CDK19: variants seen among roughly 807,000 people sequenced by gnomAD.
CDK19 encodes cyclin-dependent kinase 19.
In CDK19, 20 loss-of-function variants were observed where a neutral mutation model predicts 68.3. The ratio of observed to expected loss-of-function variants is 0.29; its 90% CI spans 0.21 to 0.43. The LOEUF is 0.43. Ranked by LOEUF, CDK19 falls within the 20% of genes least tolerant of loss-of-function variation. The pLI, the probability that CDK19 is intolerant of heterozygous loss-of-function variation, is 1.00. For synonymous variants in CDK19, 221 were observed against 222.8 expected (o/e 0.99, Z 0.07); for missense variants, 339 against 623.5 (o/e 0.54, Z 4.86).
chr6:110,618,862 C>CAA (rs992321346), intron 12 of CDK19, among the ~76,000 whole-genome samples: 2 of 152,180 alleles, frequency 1.3e-5, no homozygotes, highest in Admixed American at 1.3e-4. Context: ...AACATGTTTT[C>CAA]ATACATTCTG....
rs766522036 is a variant in CDK19 at position 110,670,550 on chromosome 6, AAAAG to A, written c.205-13_205-10del. 1.1e-5 allele frequency: 17 copies of A among 1,533,522 alleles called. No homozygotes were observed. Among genetic ancestry groups the A allele is most frequent in the Admixed American group, 1.7e-5 (1 of 59,840 alleles). The allele number at this position is 1,533,522 out of a possible 1,614,324, so 95.0% of individuals were successfully genotyped here. A position where few individuals can be genotyped will look rare whatever the true frequency, so the allele number is the denominator to read the frequency against. On this transcript the variant is annotated splice_polypyrimidine_tract_variant and intron_variant, in intron 2 of 12. Transcript: ENST00000368911. ...TTCAATTCTCGCAAAAGCTGAATGC[AAAAG>A]AAAGAGAGGGGTCACTGTTGTGTTA...
At chr6:110,717,405 T>C (rs1257748942) in intron 2 of CDK19, among the ~76,000 whole-genome samples, 1 of 152,182 alleles carries the variant, frequency 6.6e-6, no homozygotes, top group Non-Finnish European at 1.5e-5. Flanking sequence ...ATATTTCAAC[T>C]GACAGGTAGT....
chr6:110,747,686 TAAAACA>T (rs998782788), intron 1 of CDK19, among the ~76,000 whole-genome samples: 3 of 152,208 alleles, frequency 2.0e-5, no homozygotes, highest in African/African-American at 7.2e-5. Context: ...GAATACCTAC[TAAAACA>T]ATCTTTAGTA....
chr6:110,661,829 C>T (rs1399345917), intron 4 of CDK19, among the ~76,000 whole-genome samples: 3 of 152,172 alleles, frequency 2.0e-5, no homozygotes, highest in Non-Finnish European at 4.4e-5. Context: ...CTGGATCTCA[C>T]AAAATTTTGA....
intron 4 of CDK19, among the ~76,000 whole-genome samples, chr6:110,653,873 T>C (rs950555437): frequency 6.6e-6 from 1 of 152,198 alleles, no homozygotes; most frequent in African/African-American, 2.4e-5. Flanking sequence ...TTTCAGTTAA[T>C]TGGCACATTA....
chr6:110,688,191 G>A (rs982514039), intron 2 of CDK19, among the ~76,000 whole-genome samples: 1 of 152,080 alleles, frequency 6.6e-6, no homozygotes, highest in African/African-American at 2.4e-5. Context: ...TCTGAGACCA[G>A]CCTGGCTAAC....
chr6:110,798,308 G>A (rs1243095878), intron 1 of CDK19, among the ~76,000 whole-genome samples: 2 of 152,018 alleles, frequency 1.3e-5, no homozygotes, highest in Non-Finnish European at 1.5e-5. Context: ...AGATTCTGGA[G>A]AGGAAAAATA....
At chr6:110,651,735 TTCTC>T (rs1301408359) in intron 4 of CDK19, among the ~76,000 whole-genome samples, 1 of 152,206 alleles carries the variant, frequency 6.6e-6, no homozygotes, top group East Asian at 1.9e-4. Flanking sequence ...CATTCCCTCT[TTCTC>T]TATTATTTGA....
intron 1 of CDK19, among the ~76,000 whole-genome samples, chr6:110,783,925 C>A (rs755190106): frequency 6.6e-6 from 1 of 151,740 alleles, no homozygotes; most frequent in Non-Finnish European, 1.5e-5. Context: ...TTTGGGAGGC[C>A]GAAGCAGGTG....
chr6:110,761,405 G>C (rs930386081), intron 1 of CDK19, among the ~76,000 whole-genome samples: 1 of 152,202 alleles, frequency 6.6e-6, no homozygotes, highest in Admixed American at 6.5e-5. Flanking sequence ...AGGTAATTAG[G>C]AAACAGTGTC....
At chr6:110,668,581 C>T (rs1430402193) in intron 3 of CDK19, among the ~76,000 whole-genome samples, 1 of 152,024 alleles carries the variant, frequency 6.6e-6, no homozygotes, top group African/African-American at 2.4e-5. Context: ...ACCTGTAATC[C>T]CAGCACTTTG....
intron 1 of CDK19, among the ~76,000 whole-genome samples, chr6:110,797,739 C>T (rs912208291): frequency 2.6e-5 from 4 of 152,200 alleles, no homozygotes; most frequent in Admixed American, 6.5e-5. Context: ...AATCCCAACA[C>T]TTTGGGAGGC....
chr6:110,810,418 T>C (rs1319725003), intron 1 of CDK19, among the ~76,000 whole-genome samples: 2 of 152,152 alleles, frequency 1.3e-5, no homozygotes, highest in African/African-American at 4.8e-5. Context: ...AACCAGCTAC[T>C]ATCCAAATCA....
chr6:110,668,611 T>C, intron 3 of CDK19, among the ~76,000 whole-genome samples: 1 of 152,108 alleles, frequency 6.6e-6, no homozygotes, highest in East Asian at 1.9e-4. Flanking sequence ...GGCAGGTGGA[T>C]CACCTGAGGT....
At chr6:110,710,007 T>C (rs1774824628) in intron 2 of CDK19, among the ~76,000 whole-genome samples, 2 of 152,250 alleles carry the variant, frequency 1.3e-5, no homozygotes, top group South Asian at 4.1e-4. Context: ...GTATCAATTA[T>C]AATTTCATAC....
In CDK19 at chr6:110,805,284, TTG is replaced by T. The variant is rs1782605575; in HGVS notation, c.128+9723_128+9724del. 3.9e-5 allele frequency among the ~76,000 whole-genome samples: 6 copies of T among 152,294 alleles called. No individual in the cohort carries two copies. In the South Asian group the frequency reaches 1.2e-3, roughly 32 times the overall value. On this transcript the variant is annotated intron_variant, in intron 1 of 12. Transcript: ENST00000368911. ...CATGCTAGTTGTTCATCTTGTCCCT[TTG>T]TTTTAGAATCCCAAAGTACCACTAA...
chr6:110,815,226 T>C lies in CDK19; in HGVS notation c.-90A>G. 8.4e-7 allele frequency: 1 copy of C among 1,197,528 alleles called. No individual in the cohort carries two copies. 74.2% of individuals were successfully genotyped at this position (1,197,528 alleles called of 1,614,324 possible). On this transcript the variant is annotated 5_prime_UTR_variant, in exon 1 of 13. Transcript: ENST00000368911. ...CCCCCCGCGACCGCCGCTCCACTTC[T>C]CCAACAGCCGCCTCTCGCGCGCGCG...
At chr6:110,761,090 A>T (rs957265011) in intron 1 of CDK19, among the ~76,000 whole-genome samples, 1 of 152,076 alleles carries the variant, frequency 6.6e-6, no homozygotes, top group Non-Finnish European at 1.5e-5. Context: ...ACAGGTAAGG[A>T]TTTTAAGCAA....
intron 2 of CDK19, among the ~76,000 whole-genome samples, chr6:110,692,974 G>A (rs1773143113): frequency 1.3e-5 from 2 of 152,122 alleles, no homozygotes; most frequent in African/African-American, 4.8e-5. Flanking sequence ...TCCAGCCTGG[G>A]CAACAAAGCA....
Sources: allele counts gnomAD v4.1 joint callset (sites outside exome capture counted in the v4.1 genomes callset), GRCh38; gene constraint gnomAD v4.1.1; transcripts MANE v1.5; gene names NCBI Gene and HGNC (gene_info 2026-07-23, HGNC 2026-07-21).